Variants in THAP12 observed in about 807,000 individuals in gnomAD.
THAP12 encodes THAP domain containing 12.
THAP12 carries 20 observed loss-of-function variants against 63.0 expected under a neutral mutation model. The observed-to-expected ratio is 0.32, with a 90% confidence interval of 0.22 to 0.46. The LOEUF (loss-of-function observed/expected upper bound fraction) is 0.46. Ranked by LOEUF, THAP12 falls within the 20% of genes least tolerant of loss-of-function variation. The pLI, the probability that THAP12 is intolerant of heterozygous loss-of-function variation, is 1.00. For synonymous variants in THAP12, 264 were observed against 328.4 expected, an observed-to-expected ratio of 0.80 and a Z score of 2.12; for missense variants, 568 against 908.2, an observed-to-expected ratio of 0.63 and a Z score of 4.81.
intron 1 of THAP12, among the ~76,000 whole-genome samples, chr11:76,375,792 T>C (rs1044252978): frequency 1.3e-5 from 2 of 151,826 alleles, no homozygotes; most frequent in South Asian, 4.2e-4. Context: ...AATACTGTTA[T>C]TAATTCAATA....
chr11:76,372,047 G>A (rs1336007463), intron 1 of THAP12, among the ~76,000 whole-genome samples: 2 of 152,000 alleles, frequency 1.3e-5, no homozygotes, highest in Admixed American at 6.6e-5. Flanking sequence ...CCCTGACCAG[G>A]TGATCCACCC....
rs1414462301 is a variant in THAP12, at chr11:76,350,635, T to C, written c.*229A>G. On this transcript the variant is annotated 3_prime_UTR_variant, in exon 5 of 5. Coordinates refer to ENST00000260045, the MANE Select transcript of THAP12 (RefSeq NM_004705.4). ...AATTCCAGAGTGCCATCAACAGAGA[T>C]CACGCAAAAGGAAACATGGCACTTT... 2 of 397,684 alleles carry C rather than the reference T, an allele frequency of 5.0e-6. No homozygotes were observed. Among genetic ancestry groups the C allele is most frequent in the Non-Finnish European group, 8.4e-6 (2 of 236,716 alleles). The allele number at this position is 397,684 out of a possible 1,614,324, so 24.6% of individuals were successfully genotyped here. A position where few individuals can be genotyped will look rare whatever the true frequency, so the allele number is the denominator to read the frequency against.
chr11:76,379,755 T>C (rs148433135), intron 1 of THAP12, among the ~76,000 whole-genome samples: 32 of 152,286 alleles, frequency 2.1e-4, no homozygotes, highest in African/African-American at 7.0e-4. Flanking sequence ...TACTTGTTTA[T>C]TCCCCCCCCA....
At chr11:76,355,554 C>T (rs1005240155) in intron 4 of THAP12, 64 bp downstream of exon 4, 4 of 1,410,652 alleles carry the variant, frequency 2.8e-6, no homozygotes, top group Non-Finnish European at 3.9e-6. Flanking sequence ...ATTTATTTGT[C>T]CTTACCAGGT....
intron 1 of THAP12, among the ~76,000 whole-genome samples, chr11:76,378,780 G>C (rs563671807): frequency 2.6e-5 from 4 of 152,004 alleles, no homozygotes; most frequent in Non-Finnish European, 4.4e-5. Flanking sequence ...GCTAATTTTT[G>C]TATTTTTTAA....
Position 76,380,755 on chromosome 11 carries a change from G to A in THAP12, c.82C>T (p.Pro28Ser). Residue 28 changes from proline (P) to serine (S), a missense_variant, in exon 1 of 5, where the codon CCT becomes TCT. Physicochemically the swap from Pro to Ser is moderately conservative, Grantham distance 74. Transcript: ENST00000260045. Reference protein sequence around the residue: ...DLAFFRFPRDPARCQKWVENC... With the variant: ...DLAFFRFPRDSARCQKWVENC... Reference sequence around the variant, plus strand: ...TCTGCGCCCGCCGCTTACCTGGCAGGGTCCCGCGGGAACCTGAAGAAGGCC... The same window carrying A: ...TCTGCGCCCGCCGCTTACCTGGCAGAGTCCCGCGGGAACCTGAAGAAGGCC... 2 of 1,451,362 alleles carry A rather than the reference G, an allele frequency of 1.4e-6. No individual in the cohort carries two copies. The highest frequency in any genetic ancestry group is 1.3e-5 in the South Asian group (1 of 74,844). The allele number at this position is 1,451,362 out of a possible 1,614,324, so 89.9% of individuals were successfully genotyped here. A position where few individuals can be genotyped will look rare whatever the true frequency, so the allele number is the denominator to read the frequency against.
intron 4 of THAP12, among the ~76,000 whole-genome samples, 172 bp downstream of exon 4, chr11:76,355,446 A>G (rs1446997927): frequency 2.0e-5 from 3 of 152,210 alleles, no homozygotes; most frequent in African/African-American, 7.2e-5. Flanking sequence ...AAGACAAACT[A>G]AAATTAGACT....
At position 76,352,631 on chromosome 11, in the gene THAP12, C is replaced by G. The variant is rs1402329683; in HGVS notation, c.519G>C (p.Leu173Phe). 1.2e-6 allele frequency: 2 copies of G among 1,611,988 alleles called. No homozygotes were observed. Among genetic ancestry groups the G allele is most frequent in the South Asian group, 1.1e-5 (1 of 90,978 alleles). ...KEYLKSLFEI[L>F]ILMGKQNIPL... ...GTATGTTTTGCTTTCCCATCAGAATCAAGATTTCAAATAGAGATTTTAGGT... is the reference window on the plus strand; with the variant it reads ...GTATGTTTTGCTTTCCCATCAGAATGAAGATTTCAAATAGAGATTTTAGGT... The change falls in exon 5 of 5, where the codon TTG becomes TTC. Residue 173 changes from leucine to phenylalanine, a missense_variant. Physicochemically the swap from Leu to Phe is conservative, Grantham distance 22. Coordinates refer to ENST00000260045, the MANE Select transcript of THAP12 (RefSeq NM_004705.4).
At chr11:76,379,560 G>T (rs910172263) in intron 1 of THAP12, among the ~76,000 whole-genome samples, 3 of 152,122 alleles carry the variant, frequency 2.0e-5, no homozygotes, top group Non-Finnish European at 4.4e-5. Context: ...TGCTGCCCAA[G>T]GTATCTCCAT....
intron 2 of THAP12, among the ~76,000 whole-genome samples, chr11:76,363,970 C>T (rs75905078): frequency 6.6e-6 from 1 of 151,958 alleles, no homozygotes; most frequent in Non-Finnish European, 1.5e-5. Flanking sequence ...CTCACATTTG[C>T]GTTCATTTAT....
intron 2 of THAP12, among the ~76,000 whole-genome samples, chr11:76,364,621 T>C (rs983397696): frequency 3.5e-4 from 53 of 152,290 alleles, no homozygotes; most frequent in African/African-American, 1.1e-3. Context: ...GGGTTAAAAA[T>C]CTTAGAACTC....
intron 1 of THAP12, among the ~76,000 whole-genome samples, chr11:76,375,994 T>C (rs79803389): frequency 0.023 from 3,507 of 152,184 alleles, 136 homozygotes; most frequent in African/African-American, 0.081. Context: ...ATATGAGGAA[T>C]CTAGAACAGG....
At position 76,365,880 on chromosome 11, in the gene THAP12, T is replaced by C; in HGVS notation, c.182A>G (p.His61Arg). 1.2e-6 allele frequency: 2 copies of C among 1,613,436 alleles called. No homozygotes were observed. Among genetic ancestry groups the C allele is most frequent in the Non-Finnish European group, 1.7e-6 (2 of 1,179,644 alleles). Residue 61 changes from histidine to arginine, a missense_variant, in exon 2 of 5, where the codon CAT becomes CGT. By Grantham distance (29) the His-to-Arg change is conservative. Transcript: ENST00000260045. The part of the protein sequence containing the change: ...LNKHYRLCAK[H>R]FETSMICRTS... ...TCTACAGATCATAGAGGTCTCAAAA[T>C]GTTTGGCACATAATCGATAATGTTT...
intron 1 of THAP12, among the ~76,000 whole-genome samples, chr11:76,368,906 G>C (rs1014870724): frequency 1.3e-5 from 2 of 152,100 alleles, no homozygotes; most frequent in African/African-American, 4.8e-5. Context: ...ATATAAATTA[G>C]GCTACTTTAA....
At chr11:76,360,881 T>C in intron 3 of THAP12, 75 bp downstream of exon 3, 1 of 1,005,426 alleles carries the variant, frequency 9.9e-7, no homozygotes, top group Non-Finnish European at 1.5e-6. Context: ...GGATTAATTT[T>C]AACATAAATG....
chr11:76,373,082 T>C (rs1215706631), intron 1 of THAP12, among the ~76,000 whole-genome samples: 2 of 152,172 alleles, frequency 1.3e-5, no homozygotes, highest in Admixed American at 1.3e-4. Context: ...AAATAATGTA[T>C]ATATAACAGA....
In THAP12 at chr11:76,381,067, C is replaced by G. The variant is rs1328828004; in HGVS notation, c.-231G>C. 1.0e-5 allele frequency: 2 copies of G among 192,424 alleles called. No homozygotes were observed. Among genetic ancestry groups the G allele is most frequent in the Non-Finnish European group, 2.1e-5 (2 of 95,388 alleles). The allele number at this position is 192,424 out of a possible 1,614,324, so 11.9% of individuals were successfully genotyped here. ...TGCTGTGAGCGGCCGGGAGGATTTA[C>G]CGCCGCCGCCGCCGCTGGTGCACCT... On this transcript the variant is annotated 5_prime_UTR_variant, in exon 1 of 5. Transcript: ENST00000260045.
chr11:76,366,955 G>A (rs1449792067), intron 1 of THAP12, among the ~76,000 whole-genome samples: 1 of 151,974 alleles, frequency 6.6e-6, no homozygotes, highest in Non-Finnish European at 1.5e-5. Context: ...TTATGAGCCA[G>A]ACACGTTCTA....
chr11:76,370,708 T>C (rs989805111), intron 1 of THAP12, among the ~76,000 whole-genome samples: 4 of 151,018 alleles, frequency 2.6e-5, no homozygotes, highest in Non-Finnish European at 5.9e-5. Flanking sequence ...AAAAATTATA[T>C]ATGACCGGGA....
Sources: allele counts gnomAD v4.1 joint callset (sites outside exome capture counted in the v4.1 genomes callset), GRCh38; gene constraint gnomAD v4.1.1; transcripts MANE v1.5; gene names NCBI Gene and HGNC (gene_info 2026-07-23, HGNC 2026-07-21).